ADAMTS2: variants seen among roughly 807,000 people sequenced by gnomAD.
ADAMTS2 encodes the protein A disintegrin and metalloproteinase with thrombospondin motifs 2.
ADAMTS2 carries 50 observed loss-of-function variants against 123.0 expected under a neutral mutation model. That is an observed-to-expected ratio of 0.41 (90% confidence interval 0.32 to 0.51). ADAMTS2 has a LOEUF of 0.51. Ranked by LOEUF, ADAMTS2 falls within the 20% of genes least tolerant of loss-of-function variation. The pLI, the probability that ADAMTS2 is intolerant of heterozygous loss-of-function variation, is 0.35. For synonymous variants in ADAMTS2, 678 were observed against 695.4 expected (o/e 0.98, Z 0.39); for missense variants, 1,494 against 1,705.2 (o/e 0.88, Z 2.18).
chr5:179,340,305 G>T (rs1757736900), intron 2 of ADAMTS2, among the ~76,000 whole-genome samples: 1 of 152,164 alleles, frequency 6.6e-6, no homozygotes, highest in African/African-American at 2.4e-5. Context: ...GGGCAGGGTT[G>T]CTTCCATCCC....
At chr5:179,208,022 G>C (rs1561805938) in intron 3 of ADAMTS2, among the ~76,000 whole-genome samples, 2 of 150,270 alleles carry the variant, frequency 1.3e-5, no homozygotes, top group Non-Finnish European at 3.0e-5. Context: ...CAGACCTGCT[G>C]AGACTGTGAG....
intron 2 of ADAMTS2, among the ~76,000 whole-genome samples, chr5:179,277,203 C>T (rs1283230787): frequency 6.6e-6 from 1 of 152,172 alleles, no homozygotes; most frequent in Non-Finnish European, 1.5e-5. Context: ...CATTCTCCAA[C>T]ACAGACGTTC....
At chr5:179,321,434 A>G (rs1289244831) in intron 2 of ADAMTS2, among the ~76,000 whole-genome samples, 1 of 152,078 alleles carries the variant, frequency 6.6e-6, no homozygotes, top group Non-Finnish European at 1.5e-5. Context: ...CGACCCTGCA[A>G]AGCCCCCTCT....
chr5:179,129,828 G>T lies in ADAMTS2; in HGVS notation c.2457+104C>A. 6.7e-7 allele frequency: 1 copy of T among 1,495,464 alleles called. No homozygotes were observed. The highest frequency in any genetic ancestry group is 9.1e-7 in the Non-Finnish European group (1 of 1,094,596). The allele number at this position is 1,495,464 out of a possible 1,614,324, so 92.6% of individuals were successfully genotyped here. On this transcript the variant is annotated intron_variant, in intron 16 of 21. Transcript: ENST00000251582. The surrounding 1 kb of genome is among the most constrained non-coding windows in gnomAD (Gnocchi z 4.1). ...AAAGGCAGGCCAAAGGGGCCACGCAGAGTGTCACCTGAAGGGTCAGGAGGC... is the reference window on the plus strand; with the variant it reads ...AAAGGCAGGCCAAAGGGGCCACGCATAGTGTCACCTGAAGGGTCAGGAGGC...
At position 179,128,192 on chromosome 5, in the gene ADAMTS2, A is replaced by AGCTGAG; in HGVS notation, c.2458-80_2458-75dup. 1 of 1,579,616 alleles carries AGCTGAG rather than the reference A, an allele frequency of 6.3e-7. No individual in the cohort carries two copies. The highest frequency in any genetic ancestry group is 8.6e-7 in the Non-Finnish European group (1 of 1,160,518). ...CCTCCCCAGCCAGCTTAGGAACGGCAGCTGAGGCCGACTCCAGAGGAGTCT... is the reference window on the plus strand; with the variant it reads ...CCTCCCCAGCCAGCTTAGGAACGGCAGCTGAGGCTGAGGCCGACTCCAGAGGAGTCT... On this transcript the variant is annotated intron_variant, in intron 16 of 21. Coordinates refer to ENST00000251582, the MANE Select transcript of ADAMTS2 (RefSeq NM_014244.5). The surrounding 1 kb of genome is among the most constrained non-coding windows in gnomAD (Gnocchi z 4.9).
At position 179,114,161 on chromosome 5, in the gene ADAMTS2, G is replaced by A. The variant is rs79606317; in HGVS notation, c.3342C>T (p.Asn1114=). ...GGGTAGGCATGAACACGTCAATGTC[G>A]TTGTGCTTCCCAGGCGGTGGCTCTA... The part of the protein sequence containing the change: ...GRIEPPPGKH[N]DIDVFMPTLP... Residue 1114 remains asparagine, a synonymous_variant, in exon 22 of 22, where the codon AAC becomes AAT. Coordinates refer to ENST00000251582, the MANE Select transcript of ADAMTS2 (RefSeq NM_014244.5). The A allele has an allele frequency of 2.8e-4, 456 of 1,612,524 alleles. No homozygotes were observed. Among genetic ancestry groups the A allele is most frequent in the East Asian group, 1.1e-3 (49 of 44,854 alleles).
intron 2 of ADAMTS2, among the ~76,000 whole-genome samples, chr5:179,302,684 G>C (rs933818718): frequency 3.3e-5 from 5 of 152,054 alleles, no homozygotes; most frequent in African/African-American, 1.2e-4. Flanking sequence ...AGTCGACAGA[G>C]AGTGACGCAG....
chr5:179,216,102 C>T (rs1378932498), intron 3 of ADAMTS2, among the ~76,000 whole-genome samples: 6 of 152,086 alleles, frequency 3.9e-5, no homozygotes, highest in Non-Finnish European at 5.9e-5. Flanking sequence ...AAACGGAAGC[C>T]CAACACAGAT....
rs1317205199 is a variant in ADAMTS2, at chr5:179,345,245, C to T, written c.84G>A (p.Leu28=). Residue 28 remains leucine (L), a synonymous_variant, in exon 1 of 22, where the codon CTG becomes CTA. Coordinates refer to ENST00000251582, the MANE Select transcript of ADAMTS2 (RefSeq NM_014244.5). This position sits in a 1 kb window ranked among gnomAD's most constrained non-coding sequence, Gnocchi z 7.5. The stretch of plus-strand genomic sequence containing the variant: ...CGTTCGCGGGCGGCGGCGGCGGCGG[C>T]AGGAGCGGCGGCGGCAGCAGCAGCA... ...LLLLLLPPPL[L]PPPPPPANAR... 1 of 1,147,566 alleles carries T rather than the reference C, an allele frequency of 8.7e-7. No homozygotes were observed. Among genetic ancestry groups the T allele is most frequent in the Non-Finnish European group, 1.1e-6 (1 of 940,212 alleles). 71.1% of individuals were successfully genotyped at this position (1,147,566 alleles called of 1,614,324 possible). A position where few individuals can be genotyped will look rare whatever the true frequency, so the allele number is the denominator to read the frequency against.
intron 3 of ADAMTS2, among the ~76,000 whole-genome samples, chr5:179,215,960 A>ATAAG (rs1255252685): frequency 6.6e-6 from 1 of 152,238 alleles, no homozygotes; most frequent in Non-Finnish European, 1.5e-5. Context: ...TGAAAGTGGA[A>ATAAG]TAAGGACATT....
At chr5:179,218,785 C>T (rs1765060182) in intron 3 of ADAMTS2, among the ~76,000 whole-genome samples, 1 of 152,190 alleles carries the variant, frequency 6.6e-6, no homozygotes, top group African/African-American at 2.4e-5. Context: ...CAGCCCAGGC[C>T]TGCTCAGCCT....
chr5:179,176,950 C>T (rs1763945902), intron 5 of ADAMTS2, among the ~76,000 whole-genome samples: 1 of 151,696 alleles, frequency 6.6e-6, no homozygotes, highest in Non-Finnish European at 1.5e-5. Context: ...GGACCATCTT[C>T]AGGTGTGGGT....
At chr5:179,192,007 C>G (rs891690264) in intron 4 of ADAMTS2, among the ~76,000 whole-genome samples, 1 of 152,168 alleles carries the variant, frequency 6.6e-6, no homozygotes, top group African/African-American at 2.4e-5. Flanking sequence ...GGCAGGGGTC[C>G]AGCATGCCTA....
In ADAMTS2 at chr5:179,317,138, C is replaced by T. The variant is rs1757022325; in HGVS notation, c.534+26629G>A. Among the ~76,000 whole-genome samples, 1 of 152,130 alleles carries T rather than the reference C, an allele frequency of 6.6e-6. No individual in the cohort carries two copies. The highest frequency in any genetic ancestry group is 6.5e-5 in the Admixed American group (1 of 15,276). ...CCCAACCCCACGTGGCCTGGGTCCC[C>T]ACAGCCTCCAGCCCTCCTGTCACTC... On this transcript the variant is annotated intron_variant, in intron 2 of 21. Transcript: ENST00000251582. The surrounding 1 kb of genome is among the most constrained non-coding windows in gnomAD (Gnocchi z 4.9).
intron 3 of ADAMTS2, among the ~76,000 whole-genome samples, chr5:179,208,126 C>G (rs1398138720): frequency 7.3e-6 from 1 of 136,976 alleles, no homozygotes; most frequent in Non-Finnish European, 1.7e-5. Flanking sequence ...CTGCCTGACG[C>G]TGGAGTGGGC....
intron 3 of ADAMTS2, among the ~76,000 whole-genome samples, chr5:179,220,224 C>T (rs558923709): frequency 2.0e-5 from 3 of 152,198 alleles, no homozygotes; most frequent in South Asian, 2.1e-4. Flanking sequence ...AAGATCCCCA[C>T]GGGTCCCAAA....
chr5:179,223,575 C>T (rs571727752), intron 3 of ADAMTS2, among the ~76,000 whole-genome samples: 37 of 151,528 alleles, frequency 2.4e-4, no homozygotes, highest in African/African-American at 6.0e-4. Context: ...CGAATGCACT[C>T]GCACACGCAT....
chr5:179,118,200 T>C lies in ADAMTS2; in HGVS notation c.3178+3461A>G, dbSNP rs563114946. Among the ~76,000 whole-genome samples the C allele has an allele frequency of 6.6e-6, 1 of 152,332 alleles. No individual in the cohort carries two copies. The highest frequency in any genetic ancestry group is 6.5e-5 in the Admixed American group (1 of 15,300). ...AAAATCCTGGCCAAGAGATTGACTA[T>C]GCAAATAGCCTAGGAAAATTTCAAA... is the stretch of plus-strand genomic sequence containing the variant. On this transcript the variant is annotated intron_variant, in intron 21 of 21. Coordinates refer to ENST00000251582, the MANE Select transcript of ADAMTS2 (RefSeq NM_014244.5). The surrounding 1 kb of genome is among the most constrained non-coding windows in gnomAD (Gnocchi z 4.5).
intron 2 of ADAMTS2, among the ~76,000 whole-genome samples, chr5:179,277,720 C>T (rs1286667930): frequency 3.7e-5 from 1 of 26,792 alleles, no homozygotes; most frequent in African/African-American, 1.0e-4. Flanking sequence ...AAAGGCTGAA[C>T]CCCCCCGAGA....
Sources: gnomAD v4.1 joint callset for allele counts (sites outside exome capture counted in the v4.1 genomes callset) on GRCh38, gnomAD v4.1.1 for gene constraint, Gnocchi (gnomAD v3.1) non-coding constraint, MANE v1.5 for transcripts, NCBI Gene and HGNC (gene_info 2026-07-23, HGNC 2026-07-21) for gene names.